Variants in SLC9B2 observed in about 807,000 individuals in gnomAD.
SLC9B2 encodes the protein solute carrier family 9 member B2.
Under a neutral mutation model 52.2 loss-of-function variants are expected in SLC9B2, and 39 were observed. The ratio of observed to expected loss-of-function variants is 0.75; its 90% CI spans 0.58 to 0.98. SLC9B2 has a LOEUF of 0.98. Ranked by LOEUF, SLC9B2 falls within the 50% of genes least tolerant of loss-of-function variation. The probability of loss-of-function intolerance (pLI) is 0.00; values close to 1 mark genes in which losing one functional copy is unlikely to be tolerated. For synonymous variants in SLC9B2, 214 were observed against 227.0 expected (o/e 0.94, Z 0.51); for missense variants, 626 against 637.5 (o/e 0.98, Z 0.19).
chr4:103,047,953 A>C (rs948679445), intron 6 of SLC9B2, among the ~76,000 whole-genome samples: 21 of 152,220 alleles, frequency 1.4e-4, no homozygotes, highest in African/African-American at 3.9e-4. Context: ...GTGGTATAGA[A>C]GGCCTAATGA....
At chr4:103,057,244 G>GTATATATATATATATA (rs56742547) in intron 4 of SLC9B2, among the ~76,000 whole-genome samples, 5 of 137,228 alleles carry the variant, frequency 3.6e-5, no homozygotes, top group African/African-American at 5.4e-5. Context: ...TTAATTTTAA[G>GTATATATATATATATA]TATATATATA....
chr4:103,055,144 A>G (rs1162561651), intron 4 of SLC9B2, among the ~76,000 whole-genome samples: 1 of 151,692 alleles, frequency 6.6e-6, no homozygotes, highest in Admixed American at 6.6e-5. Flanking sequence ...AAGGACAAAA[A>G]AACCAAACAC....
chr4:103,030,874 C>A (rs1010623955), intron 10 of SLC9B2, among the ~76,000 whole-genome samples: 1 of 152,064 alleles, frequency 6.6e-6, no homozygotes, highest in African/African-American at 2.4e-5. Context: ...TGGCAAGTAC[C>A]ATTTATGAGT....
At chr4:103,062,764 C>G (rs1351571739) in intron 3 of SLC9B2, among the ~76,000 whole-genome samples, 2 of 152,184 alleles carry the variant, frequency 1.3e-5, no homozygotes, top group Non-Finnish European at 2.9e-5. Flanking sequence ...GCACCCACCA[C>G]CATGCATGGC....
chr4:103,020,672 C>A (rs1049194377), downstream of SLC9B2, among the ~76,000 whole-genome samples: 6 of 152,160 alleles, frequency 3.9e-5, no homozygotes, highest in African/African-American at 1.4e-4. Context: ...CAGGGTCTCA[C>A]TCTATTACCC....
At chr4:103,070,737 G>C (rs772531141) in intron 1 of SLC9B2, among the ~76,000 whole-genome samples, 1 of 152,082 alleles carries the variant, frequency 6.6e-6, no homozygotes, top group Non-Finnish European at 1.5e-5. Context: ...CACCATGCCC[G>C]GCCCTTATTT....
intron 9 of SLC9B2, among the ~76,000 whole-genome samples, chr4:103,042,986 T>C (rs918970909): frequency 2.0e-5 from 3 of 152,142 alleles, no homozygotes; most frequent in East Asian, 3.8e-4. Context: ...ATTGAAGCAC[T>C]GTTTATCTTG....
Position 103,072,056 on chromosome 4 carries a change from G to GTT in SLC9B2, c.-43+4126_-43+4127dup, listed in dbSNP as rs779979130. 9.0e-4 allele frequency among the ~76,000 whole-genome samples: 86 copies of GTT among 95,318 alleles called. 2 individuals are homozygous for GTT. The highest frequency in any genetic ancestry group is 7.4e-3 in the Middle Eastern group (1 of 136). 62.5% of individuals were successfully genotyped at this position (95,318 alleles called of 152,430 possible). ...CAAAATTTTCAAGTTTGGCTTTCAT[G>GTT]TTTTTTTTTTTTTTTTTTTTGAGGT... On this transcript the variant is annotated intron_variant, in intron 1 of 11. Coordinates refer to ENST00000394785, the MANE Select transcript of SLC9B2 (RefSeq NM_178833.7).
chr4:103,043,218 G>T, intron 9 of SLC9B2, 78 bp downstream of exon 9: 1 of 1,361,208 alleles, frequency 7.3e-7, no homozygotes, highest in Non-Finnish European at 9.9e-7. Flanking sequence ...TTAATTTGAT[G>T]CTAAGAAAGT....
chr4:103,026,837 T>C (rs1336883775), intron 11 of SLC9B2, among the ~76,000 whole-genome samples: 2 of 152,108 alleles, frequency 1.3e-5, no homozygotes, highest in Non-Finnish European at 2.9e-5. Flanking sequence ...TAAAGTATAA[T>C]AATAATAAAA....
chr4:103,066,453 T>G lies in SLC9B2; in HGVS notation c.145A>C (p.Ser49Arg). 6.2e-7 allele frequency: 1 copy of G among 1,614,134 alleles called. No homozygotes were observed. Among genetic ancestry groups the G allele is most frequent in the Non-Finnish European group, 8.5e-7 (1 of 1,179,962 alleles). The change falls in exon 3 of 12, where the codon AGT becomes CGT. Residue 49 changes from serine (S) to arginine (R), a missense_variant. Ser to Arg is a moderately radical substitution (Grantham distance 110). Transcript: ENST00000394785. The stretch of plus-strand genomic sequence containing the variant: ...TTTTCACTGCTTTTCAAAAGAATAC[T>G]TCCTTCTGTTGGTTCATTTGCATCT... Reference protein sequence around the residue: ...GIDANEPTEGSILLKSSEKKL... With the variant: ...GIDANEPTEGRILLKSSEKKL...
intron 10 of SLC9B2, among the ~76,000 whole-genome samples, chr4:103,030,294 T>C (rs909960478): frequency 6.6e-6 from 1 of 152,096 alleles, no homozygotes; most frequent in African/African-American, 2.4e-5. Flanking sequence ...AGCAATTTGA[T>C]AAAGGGCAGC....
chr4:103,050,448 A>G, intron 4 of SLC9B2, 66 bp from the exon 5 acceptor site: 1 of 1,417,678 alleles, frequency 7.1e-7, no homozygotes, highest in Non-Finnish European at 9.3e-7. Flanking sequence ...TAGTACTTTA[A>G]TTTTATACAG....
chr4:103,048,893 C>T lies in SLC9B2; in HGVS notation c.713G>A (p.Gly238Asp). The T allele has an allele frequency of 6.2e-7, 1 of 1,613,246 alleles. No homozygotes were observed. The change falls in exon 6 of 12, where the codon GGT becomes GAT. Residue 238 changes from glycine to aspartate, a missense_variant and splice_region_variant. Coordinates refer to ENST00000394785, the MANE Select transcript of SLC9B2 (RefSeq NM_178833.7). ...GLPWQWGFILGFVLGAVSPAV... is the reference protein window; with the variant it reads ...GLPWQWGFILDFVLGAVSPAV... ...CATATGACAAAGAAACAATCATTAC[C>T]CCAGTATAAATCCCCATTGCCATGG...
At chr4:103,061,254 CAAGCCA>C (rs1238496750) in intron 3 of SLC9B2, among the ~76,000 whole-genome samples, 1 of 150,020 alleles carries the variant, frequency 6.7e-6, no homozygotes, top group African/African-American at 2.5e-5. Context: ...GACTTGGAAC[CAAGCCA>C]AATGTCCAAC....
intron 9 of SLC9B2, among the ~76,000 whole-genome samples, chr4:103,032,056 T>C (rs562124465): frequency 6.6e-6 from 1 of 152,278 alleles, no homozygotes; most frequent in Admixed American, 6.5e-5. Flanking sequence ...AAAAGATTCT[T>C]ATAAAGTAAT....
chr4:103,020,350 C>A (rs548459293), downstream of SLC9B2: 4 of 449,834 alleles, frequency 8.9e-6, no homozygotes, highest in East Asian at 2.8e-4. Flanking sequence ...AAGCTTTGGC[C>A]TTTCAGTCCC....
chr4:103,066,436 G>A lies in SLC9B2; in HGVS notation c.162C>T (p.Ser54=), dbSNP rs1746133650. 6.2e-7 allele frequency: 1 copy of A among 1,613,882 alleles called. No homozygotes were observed. The highest frequency in any genetic ancestry group is 1.3e-5 in the African/African-American group (1 of 74,986). The change falls in exon 3 of 12, where the codon AGC becomes AGT. Residue 54 remains serine, a synonymous_variant. Transcript: ENST00000394785. ...EPTEGSILLK[S]SEKKLQETPT... ...GTGTTTCTTGTAGCTTTTTTTCACT[G>A]CTTTTCAAAAGAATACTTCCTTCTG... is the stretch of plus-strand genomic sequence containing the variant.
chr4:103,061,120 G>C (rs537483933), intron 3 of SLC9B2, among the ~76,000 whole-genome samples: 28 of 152,248 alleles, frequency 1.8e-4, no homozygotes, highest in African/African-American at 6.7e-4. Context: ...GGTGGATCTA[G>C]AACTAGAAAT....
Sources: allele counts gnomAD v4.1 joint callset (sites outside exome capture counted in the v4.1 genomes callset), GRCh38; gene constraint gnomAD v4.1.1; transcripts MANE v1.5; gene names NCBI Gene and HGNC (gene_info 2026-07-23, HGNC 2026-07-21).